Variants in ZYG11B observed in about 807,000 individuals in gnomAD.
ZYG11B encodes zyg-11 family member B, cell cycle regulator, also known as protein zyg-11 homolog B.
In ZYG11B, 36 loss-of-function variants were observed where a neutral mutation model predicts 82.4. The ratio of observed to expected loss-of-function variants is 0.44; its 90% CI spans 0.33 to 0.58. The LOEUF (loss-of-function observed/expected upper bound fraction) is 0.58, where lower values mean the gene tolerates loss of function less well. ZYG11B is among the 20% of genes least tolerant of loss of function. The probability of loss-of-function intolerance (pLI) is 0.02; values close to 1 mark genes in which losing one functional copy is unlikely to be tolerated. For missense variants in ZYG11B, 552 were observed against 895.6 expected, an observed-to-expected ratio of 0.62 and a Z score of 4.90; for synonymous variants, 303 against 312.8, an observed-to-expected ratio of 0.97 and a Z score of 0.33.
At chr1:52,789,506 C>A (rs1269786881) in intron 5 of ZYG11B, among the ~76,000 whole-genome samples, 1 of 152,104 alleles carries the variant, frequency 6.6e-6, no homozygotes. Flanking sequence ...TTCATATTTT[C>A]ATTTACTCTT....
At position 52,803,159 on chromosome 1, in the gene ZYG11B, T is replaced by C. The variant is rs868667830; in HGVS notation, c.1695+1020T>C. ...ACACACATATATATATATATACACA[T>C]ATATATATACACACATATATATATA... On this transcript the variant is annotated intron_variant, in intron 10 of 13. Coordinates refer to ENST00000294353, the MANE Select transcript of ZYG11B (RefSeq NM_024646.3). 1.5e-3 allele frequency among the ~76,000 whole-genome samples: 112 copies of C among 72,802 alleles called. 4 individuals are homozygous for C. The highest frequency in any genetic ancestry group is 7.1e-3 in the African/African-American group (78 of 11,024). 47.8% of individuals were successfully genotyped at this position (72,802 alleles called of 152,430 possible). A position where few individuals can be genotyped will look rare whatever the true frequency, so the allele number is the denominator to read the frequency against.
chr1:52,776,515 TAGAG>T (rs1644811975), intron 3 of ZYG11B, among the ~76,000 whole-genome samples: 1 of 140,532 alleles, frequency 7.1e-6, no homozygotes, highest in African/African-American at 2.7e-5. Flanking sequence ...GACTGAGCAA[TAGAG>T]AAAGACTGTG....
At chr1:52,773,905 A>G (rs917107685) in intron 3 of ZYG11B, among the ~76,000 whole-genome samples, 3 of 151,580 alleles carry the variant, frequency 2.0e-5, no homozygotes, top group Non-Finnish European at 4.4e-5. Context: ...GGCCTTCCAA[A>G]GTGCTAGGAT....
At chr1:52,752,506 C>G (rs1344542607) in intron 1 of ZYG11B, among the ~76,000 whole-genome samples, 1 of 152,184 alleles carries the variant, frequency 6.6e-6, no homozygotes, top group Non-Finnish European at 1.5e-5. Flanking sequence ...CTTTGAGTCC[C>G]TCTCCCCTCC....
At chr1:52,757,320 C>G (rs745905892) in intron 2 of ZYG11B, among the ~76,000 whole-genome samples, 3 of 151,982 alleles carry the variant, frequency 2.0e-5, no homozygotes, top group Non-Finnish European at 4.4e-5. Context: ...GGTGAGAAGT[C>G]ATTCTTATGT....
chr1:52,798,572 C>T (rs150322763), intron 8 of ZYG11B, among the ~76,000 whole-genome samples: 1 of 152,162 alleles, frequency 6.6e-6, no homozygotes, highest in South Asian at 2.1e-4. Flanking sequence ...GATGACGCCA[C>T]TGCACTCCAG....
At chr1:52,754,079 G>A (rs1354873728) in intron 1 of ZYG11B, among the ~76,000 whole-genome samples, 1 of 151,204 alleles carries the variant, frequency 6.6e-6, no homozygotes, top group African/African-American at 2.4e-5. Flanking sequence ...AGGCTTGAGT[G>A]CAGTGGCACC....
At chr1:52,756,146 G>A (rs1031434917) in intron 1 of ZYG11B, among the ~76,000 whole-genome samples, 1 of 152,130 alleles carries the variant, frequency 6.6e-6, no homozygotes, top group Non-Finnish European at 1.5e-5. Flanking sequence ...AGCTTCCTAA[G>A]CTCTGAGGTC....
intron 13 of ZYG11B, 137 bp downstream of exon 13, chr1:52,816,766 A>ACCTT: frequency 1.6e-6 from 1 of 636,364 alleles, no homozygotes; most frequent in Non-Finnish European, 2.7e-6. Context: ...CTTAGGTTAT[A>ACCTT]AACTTAAGGT....
intron 1 of ZYG11B, chr1:52,754,544 G>C (rs1410050733): frequency 6.6e-6 from 1 of 152,052 alleles, no homozygotes; most frequent in African/African-American, 2.4e-5. Flanking sequence ...ACCACACCTG[G>C]GTAATTTTTG....
chr1:52,745,997 C>T (rs539105482), intron 1 of ZYG11B, among the ~76,000 whole-genome samples: 4 of 149,588 alleles, frequency 2.7e-5, no homozygotes, highest in Non-Finnish European at 5.9e-5. Context: ...CTCACTCTGT[C>T]GCCTAGGCTG....
intron 4 of ZYG11B, among the ~76,000 whole-genome samples, 162 bp from the exon 5 acceptor site, chr1:52,784,715 C>T (rs1006710763): frequency 4.6e-5 from 7 of 152,136 alleles, no homozygotes; most frequent in African/African-American, 1.7e-4. Context: ...TAGACTGGAA[C>T]TATTTGTGAG....
At chr1:52,752,361 C>T (rs1644533407) in intron 1 of ZYG11B, among the ~76,000 whole-genome samples, 1 of 152,216 alleles carries the variant, frequency 6.6e-6, no homozygotes, top group Non-Finnish European at 1.5e-5. Flanking sequence ...TCCTCCAGCA[C>T]ACCCTACCCC....
chr1:52,741,768 T>C (rs1644433457), intron 1 of ZYG11B, among the ~76,000 whole-genome samples: 1 of 152,188 alleles, frequency 6.6e-6, no homozygotes, highest in Non-Finnish European at 1.5e-5. Flanking sequence ...ATTTAGAATT[T>C]ATTTAATTCT....
chr1:52,796,941 A>G (rs1218612501), intron 8 of ZYG11B, among the ~76,000 whole-genome samples, 157 bp downstream of exon 8: 2 of 98,594 alleles, frequency 2.0e-5, no homozygotes, highest in Non-Finnish European at 3.7e-5. Flanking sequence ...TATATTATAT[A>G]TAATGTATAA....
At chr1:52,770,072 CTATATA>C (rs781732048) in intron 2 of ZYG11B, among the ~76,000 whole-genome samples, 4,899 of 112,982 alleles carry the variant, frequency 0.043, 345 homozygotes, top group East Asian at 0.33. Flanking sequence ...GCTGTAACTA[CTATATA>C]TATATATATA....
At chr1:52,751,479 A>G (rs1289949716) in intron 1 of ZYG11B, among the ~76,000 whole-genome samples, 1 of 152,008 alleles carries the variant, frequency 6.6e-6, no homozygotes, top group Non-Finnish European at 1.5e-5. Context: ...AAAATACAAA[A>G]ATTAGCTGGG....
At chr1:52,734,487 T>A (rs548781360) in intron 1 of ZYG11B, among the ~76,000 whole-genome samples, 18 of 147,620 alleles carry the variant, frequency 1.2e-4, no homozygotes, top group Admixed American at 8.2e-4. Context: ...CAAAAAAAAA[T>A]AAAAAATAAA....
chr1:52,783,805 T>TATATAC (rs74185908), intron 4 of ZYG11B, among the ~76,000 whole-genome samples: 40,361 of 133,924 alleles, frequency 0.3, 6,967 homozygotes, highest in East Asian at 0.73. Context: ...TATATATATA[T>TATATAC]ACACACACAC....
Sources: allele counts gnomAD v4.1 joint callset (sites outside exome capture counted in the v4.1 genomes callset), GRCh38; gene constraint gnomAD v4.1.1; transcripts MANE v1.5; gene names NCBI Gene and HGNC (gene_info 2026-07-23, HGNC 2026-07-21).